FMN2: variants seen among roughly 807,000 people sequenced by gnomAD.
FMN2 encodes the protein formin 2.
In FMN2, 51 loss-of-function variants were observed where a neutral mutation model predicts 142.3. That is an observed-to-expected ratio of 0.36 (90% CI 0.29 to 0.45). FMN2 has a LOEUF of 0.45. FMN2 is among the 20% of genes least tolerant of loss of function. The pLI is 1.00. For missense variants in FMN2, 1,936 were observed against 2,122.8 expected (o/e 0.91, Z 1.73); for synonymous variants, 882 against 869.8 (o/e 1.01, Z -0.25).
intron 6 of FMN2, among the ~76,000 whole-genome samples, chr1:240,241,134 C>T (rs563992032): frequency 6.6e-6 from 1 of 151,868 alleles, no homozygotes; most frequent in South Asian, 2.1e-4. Context: ...ATGCAACCTG[C>T]TAGAATAAAA....
intron 2 of FMN2, chr1:240,145,093 C>T (rs1663384474): frequency 6.8e-7 from 1 of 1,460,736 alleles, no homozygotes; most frequent in South Asian, 1.1e-5. Context: ...ATTTGAGAGA[C>T]TTGGTCACCA....
At chr1:240,101,535 T>TTG (rs146463062) in intron 1 of FMN2, among the ~76,000 whole-genome samples, 8 of 149,180 alleles carry the variant, frequency 5.4e-5, no homozygotes, top group East Asian at 1.9e-4. Flanking sequence ...TGTGTCTGTG[T>TTG]TGTGTGTGTG....
chr1:240,133,721 T>C (rs935763128), intron 2 of FMN2, among the ~76,000 whole-genome samples: 7 of 152,222 alleles, frequency 4.6e-5, no homozygotes, highest in Admixed American at 3.9e-4. Flanking sequence ...CTCTTTCTCA[T>C]AGGATGCTAT....
intron 13 of FMN2, among the ~76,000 whole-genome samples, chr1:240,346,181 G>T (rs773373291): frequency 3.3e-5 from 5 of 151,808 alleles, no homozygotes; most frequent in Non-Finnish European, 7.4e-5. Context: ...CTCAAGCCAC[G>T]GATAGTACCA....
chr1:240,148,971 C>A (rs1480060662), intron 2 of FMN2, among the ~76,000 whole-genome samples: 49 of 143,838 alleles, frequency 3.4e-4, no homozygotes, highest in South Asian at 8.9e-4. Context: ...GACTCCGTCT[C>A]AAAAAAAAAT....
At chr1:240,385,667 G>A (rs1038552390) in intron 14 of FMN2, among the ~76,000 whole-genome samples, 6 of 152,180 alleles carry the variant, frequency 3.9e-5, no homozygotes, top group African/African-American at 1.4e-4. Flanking sequence ...GGTTTAAAAC[G>A]AAGATTTGGA....
intron 7 of FMN2, among the ~76,000 whole-genome samples, chr1:240,271,098 G>GTTTT (rs56686860): frequency 0.2 from 14,225 of 72,026 alleles, 2,169 homozygotes; most frequent in East Asian, 0.52. Context: ...TTCCACGATG[G>GTTTT]TTTTTTTTTT....
At chr1:240,395,495 C>T (rs956731786) in intron 15 of FMN2, among the ~76,000 whole-genome samples, 1 of 152,112 alleles carries the variant, frequency 6.6e-6, no homozygotes, top group African/African-American at 2.4e-5. Context: ...AAAGGATTCA[C>T]CATTCTAGAT....
chr1:240,417,224 A>G (rs930531108), intron 15 of FMN2, among the ~76,000 whole-genome samples: 1 of 149,750 alleles, frequency 6.7e-6, no homozygotes, highest in East Asian at 1.9e-4. Flanking sequence ...TGATTCTATG[A>G]TATATATTCT....
intron 14 of FMN2, among the ~76,000 whole-genome samples, chr1:240,387,760 CTT>C (rs1218192787): frequency 5.3e-5 from 8 of 152,144 alleles, no homozygotes; most frequent in African/African-American, 1.7e-4. Flanking sequence ...CAATGGAAGA[CTT>C]TTCACATATT....
At position 240,128,211 on chromosome 1, in the gene FMN2, T is replaced by C. The variant is rs75156953; in HGVS notation, c.1782+4866T>C. On this transcript the variant is annotated intron_variant, in intron 2 of 17. Transcript: ENST00000319653. ...TCAGTGGTCTGAAGCTAGGCTTCTT[T>C]GTGTATTTGGAACCTACTCTAGTCA... is the stretch of plus-strand genomic sequence containing the variant. Among the ~76,000 whole-genome samples the C allele has an allele frequency of 4.2e-3, 633 of 152,324 alleles. 4 individuals carry two copies. The highest frequency in any genetic ancestry group is 0.014 in the African/African-American group (595 of 41,578).
intron 14 of FMN2, among the ~76,000 whole-genome samples, chr1:240,356,366 A>G (rs554079672): frequency 2.6e-5 from 4 of 152,190 alleles, no homozygotes; most frequent in Admixed American, 2.6e-4. Context: ...TCAGAGCATT[A>G]TTTGCAGTTT....
At chr1:240,262,880 C>A (rs968383676) in intron 7 of FMN2, among the ~76,000 whole-genome samples, 1 of 151,176 alleles carries the variant, frequency 6.6e-6, no homozygotes, top group African/African-American at 2.4e-5. Flanking sequence ...TATCCCTCAG[C>A]CCCCCGAGTA....
At chr1:240,468,249 T>TATATACACATGCACACACAC (rs1676690912) in intron 16 of FMN2, among the ~76,000 whole-genome samples, 1 of 136,756 alleles carries the variant, frequency 7.3e-6, no homozygotes, top group Non-Finnish European at 1.5e-5. Flanking sequence ...CACACACACA[T>TATATACACATGCACACACAC]ATATACATAT....
intron 15 of FMN2, among the ~76,000 whole-genome samples, chr1:240,397,603 A>G (rs2103105063): frequency 6.6e-6 from 1 of 152,100 alleles, no homozygotes; most frequent in East Asian, 1.9e-4. Context: ...AGCCTGGCCA[A>G]CATGGCAAAA....
At chr1:240,467,076 T>C (rs1676647022) in intron 16 of FMN2, among the ~76,000 whole-genome samples, 1 of 152,190 alleles carries the variant, frequency 6.6e-6, no homozygotes, top group African/African-American at 2.4e-5. Flanking sequence ...GATCACAGCC[T>C]ATCATCCTAA....
chr1:240,092,960 C>T lies in FMN2; in HGVS notation c.851C>T (p.Ala284Val). 2.1e-6 allele frequency: 3 copies of T among 1,413,658 alleles called. No individual in the cohort carries two copies. In the South Asian group the frequency reaches 4.6e-5, roughly 21 times the overall value. 87.6% of individuals were successfully genotyped at this position (1,413,658 alleles called of 1,614,324 possible). A position where few individuals can be genotyped will look rare whatever the true frequency, so the allele number is the denominator to read the frequency against. ...CTCTCCGACCTGCCCGAGAGCCTGG[C>T]CGCCGAGCCCCGGGAGCCCCAGCAA... ...SALSDLPESL[A>V]AEPREPQQPP... The change falls in exon 1 of 18, where the codon GCC becomes GTC. Residue 284 changes from alanine to valine, a missense_variant. Ala to Val is a moderately conservative substitution (Grantham distance 64, BLOSUM62 0). Transcript: ENST00000319653.
chr1:240,290,564 A>G (rs1263060363), intron 7 of FMN2, among the ~76,000 whole-genome samples: 1 of 152,040 alleles, frequency 6.6e-6, no homozygotes, highest in African/African-American at 2.4e-5. Flanking sequence ...ATAATTACTT[A>G]TTTTCCCCAC....
intron 16 of FMN2, among the ~76,000 whole-genome samples, chr1:240,453,995 CAA>C (rs529425273): frequency 2.7e-4 from 2 of 7,484 alleles, no homozygotes; most frequent in African/African-American, 7.4e-4. Flanking sequence ...GACTCTGCCT[CAA>C]AAAAAAAAAA....
Sources: gnomAD v4.1 joint callset for allele counts (sites outside exome capture counted in the v4.1 genomes callset) on GRCh38, gnomAD v4.1.1 for gene constraint, MANE v1.5 for transcripts, NCBI Gene and HGNC (gene_info 2026-07-23, HGNC 2026-07-21) for gene names.